The following DOP1A variants were observed in gnomAD, a reference collection of about 807,000 sequenced individuals.
DOP1A encodes protein DOP1A.
In DOP1A, 90 loss-of-function variants were observed where a neutral mutation model predicts 267.6. The ratio of observed to expected loss-of-function variants is 0.34; its 90% CI spans 0.28 to 0.40. The LOEUF (loss-of-function observed/expected upper bound fraction) is 0.40. Among genes scored for constraint, DOP1A ranks in the 10% least tolerant of loss-of-function variants. The probability of loss-of-function intolerance (pLI) is 1.00; values close to 1 mark genes in which losing one functional copy is unlikely to be tolerated. For synonymous variants in DOP1A, 932 were observed against 999.1 expected (o/e 0.93, Z 1.27); for missense variants, 2,437 against 2,900.4 (o/e 0.84, Z 3.67).
chr6:83,115,888 G>C (rs1021947104), intron 7 of DOP1A, among the ~76,000 whole-genome samples: 1 of 152,014 alleles, frequency 6.6e-6, no homozygotes, highest in African/African-American at 2.4e-5. Flanking sequence ...AATAAGATGG[G>C]GAGACATTTG....
chr6:83,167,292 C>T, intron 38 of DOP1A: 1 of 985,282 alleles, frequency 1.0e-6, no homozygotes, highest in African/African-American at 1.7e-5. Flanking sequence ...TTAGCACAAC[C>T]CAGAAGGAGA....
intron 1 of DOP1A, among the ~76,000 whole-genome samples, chr6:83,069,811 A>G (rs1047481091): frequency 2.6e-5 from 4 of 152,098 alleles, no homozygotes. Flanking sequence ...TGAGGTTCCA[A>G]CAAGTGAAGA....
downstream of DOP1A, chr6:83,169,380 G>T: frequency 6.3e-7 from 1 of 1,594,674 alleles, no homozygotes; most frequent in Non-Finnish European, 8.6e-7. Flanking sequence ...GTCTAACATG[G>T]GCAAGACCAT....
At chr6:83,085,286 G>A in intron 1 of DOP1A, among the ~76,000 whole-genome samples, 1 of 152,186 alleles carries the variant, frequency 6.6e-6, no homozygotes, top group East Asian at 1.9e-4. Flanking sequence ...TGCCGATGCA[G>A]GTATGAACAA....
intron 7 of DOP1A, 144 bp from the exon 8 acceptor site, chr6:83,118,744 A>G (rs955547463): frequency 8.0e-6 from 4 of 497,116 alleles, no homozygotes; most frequent in East Asian, 6.3e-5. Context: ...GTAAAATGGA[A>G]GTAATATCCT....
At chr6:83,143,443 C>T (rs1220240569) in intron 24 of DOP1A, among the ~76,000 whole-genome samples, 1 of 152,158 alleles carries the variant, frequency 6.6e-6, no homozygotes, top group East Asian at 1.9e-4. Flanking sequence ...CAAGGATTAC[C>T]AGTCACATAA....
chr6:83,163,767 T>C (rs1342924558), intron 38 of DOP1A, among the ~76,000 whole-genome samples: 1 of 152,142 alleles, frequency 6.6e-6, no homozygotes, highest in Non-Finnish European at 1.5e-5. Flanking sequence ...AAAACAGTGC[T>C]CAGAGTTAAA....
chr6:83,093,806 T>G (rs903566573), intron 1 of DOP1A, among the ~76,000 whole-genome samples: 1 of 152,136 alleles, frequency 6.6e-6, no homozygotes, highest in Non-Finnish European at 1.5e-5. Flanking sequence ...CTCGGGAGGC[T>G]GAAGCAGGAG....
At chr6:83,091,898 C>T (rs1038201478) in intron 1 of DOP1A, among the ~76,000 whole-genome samples, 6 of 152,078 alleles carry the variant, frequency 3.9e-5, no homozygotes, top group African/African-American at 7.2e-5. Flanking sequence ...TTATTTTATA[C>T]GAATTTTATG....
At chr6:83,075,442 G>C (rs922875567) in intron 1 of DOP1A, among the ~76,000 whole-genome samples, 1 of 152,202 alleles carries the variant, frequency 6.6e-6, no homozygotes, top group African/African-American at 2.4e-5. Flanking sequence ...ATATGTGAGT[G>C]TTAGGGGAAT....
At chr6:83,134,363 C>T (rs1228736269) in intron 19 of DOP1A, 76 bp downstream of exon 19, 1 of 1,276,624 alleles carries the variant, frequency 7.8e-7, no homozygotes, top group Non-Finnish European at 1.1e-6. Flanking sequence ...CACTGTCTAG[C>T]TTGGCAAGTG....
At chr6:83,125,128 GT>G in intron 13 of DOP1A, 37 bp from the exon 14 acceptor site, 1 of 1,566,050 alleles carries the variant, frequency 6.4e-7, no homozygotes, top group African/African-American at 1.4e-5. Context: ...TTTCCCTTCT[GT>G]TTTCTCTCCT....
chr6:83,139,854 C>A, intron 21 of DOP1A, 146 bp from the exon 22 acceptor site: 2 of 555,206 alleles, frequency 3.6e-6, no homozygotes, highest in Non-Finnish European at 6.3e-6. Flanking sequence ...AAATAAAAGC[C>A]CCTGATTTAT....
chr6:83,118,890 C>T lies in DOP1A; in HGVS notation c.783C>T (p.Ala261=). 6.2e-7 allele frequency: 1 copy of T among 1,613,182 alleles called. No homozygotes were observed. Among genetic ancestry groups the T allele is most frequent in the Non-Finnish European group, 8.5e-7 (1 of 1,179,416 alleles). ...AACCATATTCCTAACTCTTTCAGGC[C>T]ACTCGACCGGATATGATCAGGATCT... The part of the protein sequence containing the change: ...LFCFPFHMSQ[A]TRPDMIRILS... The change falls in exon 8 of 39, where the codon GCC becomes GCT. Residue 261 remains alanine (A), a splice_region_variant and synonymous_variant. Transcript: ENST00000349129.
intron 15 of DOP1A, among the ~76,000 whole-genome samples, chr6:83,127,316 C>T (rs1012691515): frequency 6.6e-6 from 1 of 152,122 alleles, no homozygotes. Context: ...AGCCTATACC[C>T]AGGAATGAAC....
chr6:83,162,945 T>C (rs1784572090), intron 38 of DOP1A, 26 bp downstream of exon 38: 1 of 1,604,776 alleles, frequency 6.2e-7, no homozygotes, highest in African/African-American at 1.3e-5. Flanking sequence ...GTGATTGTTT[T>C]GTTTTACATC....
rs754844946 is a variant in DOP1A, at chr6:83,151,610, T to C, written c.5855T>C (p.Ile1952Thr). 1 of 1,608,500 alleles carries C rather than the reference T, an allele frequency of 6.2e-7. No homozygotes were observed. Among genetic ancestry groups the C allele is most frequent in the South Asian group, 1.1e-5 (1 of 89,410 alleles). The change falls in exon 28 of 39, where the codon ATT becomes ACT. Residue 1952 changes from isoleucine to threonine, a missense_variant. Physicochemically the swap from Ile to Thr is moderately conservative, Grantham distance 89. Around this residue, in one of 9 missense-constraint regions of DOP1A, gnomAD observed 216 missense variants for 283.3 expected, o/e 0.76. Coordinates refer to ENST00000349129, the MANE Select transcript of DOP1A (RefSeq NM_015018.4). ...FLILGVLNEF[I>T]MKNPSLENKK... is the part of the protein sequence containing the mutation. The stretch of plus-strand genomic sequence containing the variant: ...CCTTTTAGGGTTCTGAATGAGTTTA[T>C]TATGAAAAACCCTAGTTTGGAAAAT...
chr6:83,154,643 C>T (rs533777666), intron 33 of DOP1A, among the ~76,000 whole-genome samples: 88 of 152,188 alleles, frequency 5.8e-4, no homozygotes, highest in African/African-American at 2.0e-3. Flanking sequence ...TCGAATCCAG[C>T]CTATCAGACA....
intron 38 of DOP1A, chr6:83,167,631 G>A (rs957367439): frequency 5.1e-5 from 63 of 1,231,070 alleles, no homozygotes; most frequent in Non-Finnish European, 6.0e-5. Context: ...GCTTATCTGC[G>A]CATTCTAGTT....
Sources: gnomAD v4.1 joint callset for allele counts (sites outside exome capture counted in the v4.1 genomes callset) on GRCh38, gnomAD v4.1.1 for gene constraint, gnomAD v4.1.1 regional missense constraint, MANE v1.5 for transcripts, NCBI Gene and HGNC (gene_info 2026-07-23, HGNC 2026-07-21) for gene names.